Variants in RASAL2 observed in about 807,000 individuals in gnomAD.
RASAL2 encodes ras GTPase-activating protein nGAP.
Under a neutral mutation model 128.9 loss-of-function variants are expected in RASAL2, and 58 were observed. The ratio of observed to expected loss-of-function variants is 0.45; its 90% CI spans 0.36 to 0.56. The LOEUF (loss-of-function observed/expected upper bound fraction) is 0.56. Ranked by LOEUF, RASAL2 falls within the 20% of genes least tolerant of loss-of-function variation. RASAL2 has a pLI of 0.00. For synonymous variants in RASAL2, 561 were observed against 580.8 expected, an observed-to-expected ratio of 0.97 and a Z score of 0.49; for missense variants, 1,360 against 1,601.6, an observed-to-expected ratio of 0.85 and a Z score of 2.57.
rs145282635 is a variant in RASAL2 at position 178,409,624 on chromosome 1, A to G, written c.565-10887A>G. 9.3e-4 allele frequency among the ~76,000 whole-genome samples: 142 copies of G among 152,320 alleles called. 2 individuals carry two copies. The highest frequency in any genetic ancestry group is 3.5e-3 in the South Asian group (17 of 4,830). ...TGGTAAGTCGTTACCAGATGATACT[A>G]TATCTTATAGGCAGAACTCTTACCA... On this transcript the variant is annotated intron_variant, in intron 4 of 17. Coordinates refer to ENST00000367649, the MANE Select transcript of RASAL2 (RefSeq NM_170692.4).
At chr1:178,285,886 C>T (rs1268040728) in intron 2 of RASAL2, among the ~76,000 whole-genome samples, 2 of 152,178 alleles carry the variant, frequency 1.3e-5, no homozygotes, top group Non-Finnish European at 2.9e-5. Flanking sequence ...ATGCCTTTTC[C>T]AGAACCAAGG....
chr1:178,266,410 T>G (rs780945476), intron 1 of RASAL2, among the ~76,000 whole-genome samples: 12 of 152,222 alleles, frequency 7.9e-5, no homozygotes, highest in Non-Finnish European at 1.8e-4. Flanking sequence ...TTTGCCTGTA[T>G]TCAGCTGGTT....
chr1:178,205,713 C>T (rs544659377), intron 1 of RASAL2, among the ~76,000 whole-genome samples: 9 of 151,966 alleles, frequency 5.9e-5, no homozygotes, highest in Admixed American at 2.6e-4. Flanking sequence ...GCTGAGATCG[C>T]GCCACTGCAC....
At chr1:178,133,004 A>T (rs1480255072) in intron 1 of RASAL2, among the ~76,000 whole-genome samples, 1 of 152,150 alleles carries the variant, frequency 6.6e-6, no homozygotes, top group Non-Finnish European at 1.5e-5. Context: ...ACCTCAGGTG[A>T]TCCACCCGCC....
intron 1 of RASAL2, among the ~76,000 whole-genome samples, chr1:178,170,924 T>C (rs1025691892): frequency 6.6e-6 from 1 of 151,906 alleles, no homozygotes; most frequent in Non-Finnish European, 1.5e-5. Context: ...TTCTCACTTA[T>C]TTTTTATGAA....
At chr1:178,335,489 T>C (rs754133526) in intron 3 of RASAL2, among the ~76,000 whole-genome samples, 3 of 152,220 alleles carry the variant, frequency 2.0e-5, no homozygotes, top group Non-Finnish European at 4.4e-5. Flanking sequence ...GCCAGACTGC[T>C]GATACTGAGA....
At chr1:178,348,188 G>A (rs1453956520) in intron 3 of RASAL2, among the ~76,000 whole-genome samples, 1 of 152,156 alleles carries the variant, frequency 6.6e-6, no homozygotes, top group Non-Finnish European at 1.5e-5. Context: ...GATGTTCTGT[G>A]GTGGTGTTGT....
chr1:178,309,146 C>T (rs1668124773), intron 3 of RASAL2, among the ~76,000 whole-genome samples: 1 of 152,056 alleles, frequency 6.6e-6, no homozygotes, highest in African/African-American at 2.4e-5. Context: ...TATATTAATA[C>T]ATATAAAGAT....
intron 1 of RASAL2, among the ~76,000 whole-genome samples, chr1:178,137,594 T>C (rs191903450): frequency 1.3e-5 from 2 of 152,324 alleles, no homozygotes; most frequent in East Asian, 3.9e-4. Flanking sequence ...CTGAGGTATA[T>C]AGTAGGACAT....
intron 3 of RASAL2, chr1:178,372,053 G>T: frequency 1.8e-6 from 1 of 568,050 alleles, no homozygotes. Context: ...CCTCCCCCTG[G>T]TTGTATTAGA....
At chr1:178,441,424 A>G (rs1323243723) in intron 6 of RASAL2, 125 bp from the exon 7 acceptor site, 1 of 625,554 alleles carries the variant, frequency 1.6e-6, no homozygotes, top group Non-Finnish European at 2.8e-6. Context: ...CTATCCATCC[A>G]TCCATCCTAA....
intron 1 of RASAL2, among the ~76,000 whole-genome samples, chr1:178,255,112 C>G (rs1175729288): frequency 2.0e-5 from 3 of 151,972 alleles, no homozygotes; most frequent in African/African-American, 7.3e-5. Flanking sequence ...GAGATATAAG[C>G]AAAATCAGAA....
chr1:178,466,237 G>A lies in RASAL2; in HGVS notation c.3590+115G>A, dbSNP rs138220719. The A allele has an allele frequency of 1.4e-4, 135 of 942,346 alleles. No homozygotes were observed. The East Asian group carries it at 3.5e-3, about 25-fold the overall frequency. The allele number at this position is 942,346 out of a possible 1,614,324, so 58.4% of individuals were successfully genotyped here. ...GCCATTTTTATCCTTGTGGTACTGAGTACAAATGTGATAATTGACTGTATC... is the reference window on the plus strand; with the variant it reads ...GCCATTTTTATCCTTGTGGTACTGAATACAAATGTGATAATTGACTGTATC... On this transcript the variant is annotated intron_variant, in intron 16 of 17. Coordinates refer to ENST00000367649, the MANE Select transcript of RASAL2 (RefSeq NM_170692.4).
chr1:178,220,676 A>G (rs1227464741), intron 1 of RASAL2, among the ~76,000 whole-genome samples: 1 of 152,248 alleles, frequency 6.6e-6, no homozygotes, highest in African/African-American at 2.4e-5. Flanking sequence ...TACAGTATGT[A>G]GCCTTTTCAG....
chr1:178,423,032 A>T (rs186641443), intron 5 of RASAL2, among the ~76,000 whole-genome samples: 1 of 152,202 alleles, frequency 6.6e-6, no homozygotes, highest in East Asian at 1.9e-4. Flanking sequence ...ACCCAAGTAT[A>T]TGTTTTCATG....
intron 17 of RASAL2, among the ~76,000 whole-genome samples, chr1:178,467,840 C>T (rs1404690225): frequency 6.6e-6 from 1 of 152,198 alleles, no homozygotes; most frequent in East Asian, 1.9e-4. Flanking sequence ...CCTTTTGCCC[C>T]AGACAGTAAT....
chr1:178,223,299 C>T (rs1214019112), intron 1 of RASAL2, among the ~76,000 whole-genome samples: 1 of 152,124 alleles, frequency 6.6e-6, no homozygotes, highest in Non-Finnish European at 1.5e-5. Flanking sequence ...TGGAGAGATG[C>T]ATTGGGCTGT....
intron 1 of RASAL2, among the ~76,000 whole-genome samples, chr1:178,109,567 A>G (rs752689004): frequency 1.9e-4 from 29 of 152,344 alleles, no homozygotes; most frequent in South Asian, 1.9e-3. Flanking sequence ...AACTTAAAGT[A>G]TGATTCATAC....
At chr1:178,112,673 A>G (rs1240519820) in intron 1 of RASAL2, among the ~76,000 whole-genome samples, 1 of 148,506 alleles carries the variant, frequency 6.7e-6, no homozygotes, top group Non-Finnish European at 1.5e-5. Context: ...AACACTGCAT[A>G]TTCTCACTCA....
Sources: allele counts gnomAD v4.1 joint callset (sites outside exome capture counted in the v4.1 genomes callset), GRCh38; gene constraint gnomAD v4.1.1; transcripts MANE v1.5; gene names NCBI Gene and HGNC (gene_info 2026-07-23, HGNC 2026-07-21).